PCNA: variants seen among roughly 807,000 people sequenced by gnomAD.
PCNA encodes proliferating cell nuclear antigen.
PCNA carries 4 observed loss-of-function variants against 27.8 expected under a neutral mutation model. The ratio of observed to expected loss-of-function variants is 0.14; its 90% confidence interval spans 0.07 to 0.33. The LOEUF (loss-of-function observed/expected upper bound fraction) is 0.33. Ranked by LOEUF, PCNA falls within the 10% of genes least tolerant of loss-of-function variation. PCNA has a pLI of 1.00. For missense variants in PCNA, 165 were observed against 327.4 expected, an observed-to-expected ratio of 0.50 and a Z score of 3.83; for synonymous variants, 121 against 119.4, an observed-to-expected ratio of 1.01 and a Z score of -0.09.
chr20:5,118,474 G>A (rs1008565872), intron 3 of PCNA, 136 bp downstream of exon 3: 4 of 633,242 alleles, frequency 6.3e-6, no homozygotes, highest in Non-Finnish European at 5.5e-6. Context: ...CCAGGTTAGA[G>A]AGAGCTATAT....
At chr20:5,116,460 T>A (rs1417876458) in intron 4 of PCNA, among the ~76,000 whole-genome samples, 2 of 152,238 alleles carry the variant, frequency 1.3e-5, no homozygotes, top group Non-Finnish European at 2.9e-5. Flanking sequence ...AATTTTACCT[T>A]TATTTAAACT....
rs771120963 is a variant in PCNA, at chr20:5,115,270, A to AT, written c.*12dup. ...AAAGAGCTTAGTTTTATTTTCTTGA[A>AT]TTTTAAGAATGCCTAAGATCCTTCT... On this transcript the variant is annotated 3_prime_UTR_variant, in exon 6 of 6. Transcript: ENST00000379143. 6.2e-7 allele frequency: 1 copy of AT among 1,605,864 alleles called. No homozygotes were observed. Among genetic ancestry groups the AT allele is most frequent in the Non-Finnish European group, 8.5e-7 (1 of 1,173,090 alleles).
intron 4 of PCNA, 123 bp from the exon 5 acceptor site, chr20:5,115,695 T>C (rs191911109): frequency 5.5e-6 from 4 of 721,772 alleles, no homozygotes; most frequent in Admixed American, 6.2e-5. Flanking sequence ...TATGAAAATT[T>C]TGAAGACTGA....
rs896412992 is a variant in PCNA, at chr20:5,119,878, G to C, written c.-80C>G. The C allele has an allele frequency of 2.6e-6, 3 of 1,147,322 alleles. No homozygotes were observed. Among genetic ancestry groups the C allele is most frequent in the African/African-American group, 1.5e-5 (1 of 65,160 alleles). The allele number at this position is 1,147,322 out of a possible 1,614,324, so 71.1% of individuals were successfully genotyped here. ...GCTGGTTTCGGCTTCAGGAGCCTCA[G>C]AGCGAGCGGGCGAACGTCGCGACGA... On this transcript the variant is annotated 5_prime_UTR_variant, in exon 1 of 6. Coordinates refer to ENST00000379143, the MANE Select transcript of PCNA (RefSeq NM_182649.2).
chr20:5,119,597 T>G lies in PCNA; in HGVS notation c.202A>C (p.Met68Leu). 1 of 1,612,940 alleles carries G rather than the reference T, an allele frequency of 6.2e-7. No individual in the cohort carries two copies. Residue 68 changes from methionine to leucine, a missense_variant, in exon 1 of 6, where the codon ATG becomes CTG. Met to Leu is a conservative substitution (Grantham distance 15). Coordinates refer to ENST00000379143, the MANE Select transcript of PCNA (RefSeq NM_182649.2). ...GCTCACCTGGTGAGGTTCACGCCCATGGCCAGGTTGCGGTCGCAGCGGTAG... is the reference window on the plus strand; with the variant it reads ...GCTCACCTGGTGAGGTTCACGCCCAGGGCCAGGTTGCGGTCGCAGCGGTAG... ...DTYRCDRNLA[M>L]GVNLTSMSKI...
At chr20:5,122,277 C>G (rs553084724), upstream of PCNA, among the ~76,000 whole-genome samples, 1 of 152,138 alleles carries the variant, frequency 6.6e-6, no homozygotes, top group African/African-American at 2.4e-5. Context: ...CCACCGCGCC[C>G]GGGTCTATTT....
chr20:5,118,926 G>T (rs2122903992), intron 1 of PCNA, 60 bp from the exon 2 acceptor site: 1 of 1,212,054 alleles, frequency 8.3e-7, no homozygotes, highest in Non-Finnish European at 1.2e-6. Context: ...GCTGTATTTC[G>T]AACGCGGTTA....
chr20:5,118,057 G>A (rs1166527287), intron 3 of PCNA, among the ~76,000 whole-genome samples: 1 of 152,158 alleles, frequency 6.6e-6, no homozygotes, highest in Non-Finnish European at 1.5e-5. Flanking sequence ...TTCCAAGTCA[G>A]CTTTAAAATC....
At chr20:5,126,017 T>C (rs928561757) in intron 1 of PCNA, among the ~76,000 whole-genome samples, 1 of 152,188 alleles carries the variant, frequency 6.6e-6, no homozygotes, top group African/African-American at 2.4e-5. Context: ...ACGGATCACC[T>C]GAGGTCAGGA....
intron 4 of PCNA, 45 bp downstream of exon 4, chr20:5,117,425 A>G (rs921700175): frequency 2.2e-6 from 3 of 1,350,442 alleles, no homozygotes; most frequent in African/African-American, 1.4e-5. Flanking sequence ...AAGCAGTATT[A>G]TAATTCTCTT....
At chr20:5,118,244 T>C (rs1483806839) in intron 3 of PCNA, among the ~76,000 whole-genome samples, 1 of 152,218 alleles carries the variant, frequency 6.6e-6, no homozygotes, top group Non-Finnish European at 1.5e-5. Context: ...AGTAGATATA[T>C]TTCTAGAAAA....
chr20:5,116,290 C>T (rs190759321), intron 4 of PCNA, among the ~76,000 whole-genome samples: 8 of 151,978 alleles, frequency 5.3e-5, no homozygotes, highest in Admixed American at 3.3e-4. Context: ...ACTGCACCAC[C>T]GCACTCCAGC....
intron 4 of PCNA, among the ~76,000 whole-genome samples, chr20:5,116,516 T>A (rs143175688): frequency 5.2e-4 from 79 of 152,332 alleles, no homozygotes; most frequent in African/African-American, 1.8e-3. Flanking sequence ...ATATATAGTA[T>A]TTATTGTAAG....
chr20:5,117,813 T>C, intron 3 of PCNA, 149 bp from the exon 4 acceptor site: 1 of 556,724 alleles, frequency 1.8e-6, no homozygotes, highest in Non-Finnish European at 3.2e-6. Context: ...CTTAACAAAC[T>C]CCACTCAAAA....
Position 5,119,833 on chromosome 20 carries a change from G to A in PCNA, c.-35C>T. Reference sequence around the variant, plus strand: ...GTGGCAACAACGCCGCTACAGGCAGGCGGGAAGGAGGAAAGTCTAGCTGGT... The same window carrying A: ...GTGGCAACAACGCCGCTACAGGCAGACGGGAAGGAGGAAAGTCTAGCTGGT... On this transcript the variant is annotated 5_prime_UTR_variant, in exon 1 of 6. Coordinates refer to ENST00000379143, the MANE Select transcript of PCNA (RefSeq NM_182649.2). 1 of 1,503,438 alleles carries A rather than the reference G, an allele frequency of 6.7e-7. No individual in the cohort carries two copies. Among genetic ancestry groups the A allele is most frequent in the South Asian group, 1.2e-5 (1 of 83,132 alleles). The allele number at this position is 1,503,438 out of a possible 1,614,324, so 93.1% of individuals were successfully genotyped here.
Position 5,118,986 on chromosome 20 carries a change from G to GT in PCNA, c.222-121dup, listed in dbSNP as rs1410886241. On this transcript the variant is annotated intron_variant, in intron 1 of 5. Coordinates refer to ENST00000379143, the MANE Select transcript of PCNA (RefSeq NM_182649.2). ...CAGGCCGTCTCAGAACTGGTGGAGGGTAAGCGGACTGCTGGAGGATGCCAT... is the reference window on the plus strand; with the variant it reads ...CAGGCCGTCTCAGAACTGGTGGAGGGTTAAGCGGACTGCTGGAGGATGCCAT... 2.9e-5 allele frequency: 20 copies of GT among 684,676 alleles called. No homozygotes were observed. The African/African-American group carries it at 3.6e-4, about 12-fold the overall frequency. 42.4% of individuals were successfully genotyped at this position (684,676 alleles called of 1,614,324 possible).
chr20:5,115,136 G>GA lies in PCNA; in HGVS notation c.*146dup. On this transcript the variant is annotated 3_prime_UTR_variant, in exon 6 of 6. Coordinates refer to ENST00000379143, the MANE Select transcript of PCNA (RefSeq NM_182649.2). ...CTTTAAACAAATTGCAGAGAATAGA[G>GA]AAAAAAATAGGTTATTTACAGAAAA... 3.4e-6 allele frequency: 2 copies of GA among 591,854 alleles called. No individual in the cohort carries two copies. The highest frequency in any genetic ancestry group is 5.8e-5 in the East Asian group (2 of 34,780). 36.7% of individuals were successfully genotyped at this position (591,854 alleles called of 1,614,324 possible). A position where few individuals can be genotyped will look rare whatever the true frequency, so the allele number is the denominator to read the frequency against.
rs1477452484 is a variant in PCNA, at chr20:5,115,361, A to G, written c.708T>C (p.Val236=). 6.2e-7 allele frequency: 1 copy of G among 1,613,804 alleles called. No individual in the cohort carries two copies. The highest frequency in any genetic ancestry group is 1.3e-5 in the African/African-American group (1 of 74,934). ...CCATATCCGCAATTTTATACTCTAC[A>G]ACTGAAAGACAGGAAGATGGTTAAT... ...TLSMSADVPL[V]VEYKIADMGH... Residue 236 remains valine (V), a splice_region_variant and synonymous_variant, in exon 6 of 6, where the codon GTT becomes GTC. Coordinates refer to ENST00000379143, the MANE Select transcript of PCNA (RefSeq NM_182649.2).
In PCNA at chr20:5,119,947, C is replaced by T. The variant is rs2090507224; in HGVS notation, c.-149G>A. On this transcript the variant is annotated 5_prime_UTR_variant, in exon 1 of 6. Transcript: ENST00000379143. ...GACAACGACCACTCTGCTACGCCTG[C>T]AACCGTTTAATGCCGCCGCGTCCGC... 4.6e-6 allele frequency: 3 copies of T among 649,850 alleles called. No homozygotes were observed. Among genetic ancestry groups the T allele is most frequent in the Admixed American group, 5.4e-5 (2 of 37,276 alleles). 40.3% of individuals were successfully genotyped at this position (649,850 alleles called of 1,614,324 possible). A position where few individuals can be genotyped will look rare whatever the true frequency, so the allele number is the denominator to read the frequency against.
Sources: gnomAD v4.1 joint callset for allele counts (sites outside exome capture counted in the v4.1 genomes callset) on GRCh38, gnomAD v4.1.1 for gene constraint, MANE v1.5 for transcripts, NCBI Gene and HGNC (gene_info 2026-07-23, HGNC 2026-07-21) for gene names.